The following FAR2 variants were observed in gnomAD, a reference collection of about 807,000 sequenced individuals.
FAR2 encodes epididymis secretory protein Li 81.
A neutral mutation model predicts 56.0 loss-of-function variants in FAR2; 19 were observed. That is an observed-to-expected ratio of 0.34 (90% CI 0.24 to 0.50). FAR2 has a LOEUF of 0.50. Ranked by LOEUF, FAR2 falls within the 20% of genes least tolerant of loss-of-function variation. The pLI is 0.98. For missense variants in FAR2, 508 were observed against 642.2 expected (o/e 0.79, Z 2.26); for synonymous variants, 219 against 218.8 (o/e 1.00, Z -0.01).
In FAR2 at chr12:29,268,240, C is replaced by A. The variant is rs145719189; in HGVS notation, c.-38-2172C>A. The stretch of plus-strand genomic sequence containing the variant: ...AGGGCCAGTCCCTGGAGCTGTTCTG[C>A]AGGATCCATCCAAACCCTGTCCACA... On this transcript the variant is annotated intron_variant, in intron 1 of 11. Transcript: ENST00000536681. 6.2e-4 allele frequency among the ~76,000 whole-genome samples: 94 copies of A among 152,284 alleles called. 1 individual carries two copies. In the East Asian group the frequency reaches 0.015, roughly 24 times the overall value.
chr12:29,213,280 G>T (rs866383930), intron 1 of FAR2, among the ~76,000 whole-genome samples: 18 of 152,054 alleles, frequency 1.2e-4, no homozygotes, highest in Non-Finnish European at 2.2e-4. Context: ...AAATTACTAT[G>T]GGTAAAACCT....
At position 29,256,192 on chromosome 12, in the gene FAR2, A is replaced by G. The variant is rs1388394194; in HGVS notation, c.-38-14220A>G. The stretch of plus-strand genomic sequence containing the variant: ...CGGCCTTATTATATCTAAAATTATT[A>G]TTGTTTTTTTTAAAACATGGGGTCC... On this transcript the variant is annotated intron_variant, in intron 1 of 11. Coordinates refer to ENST00000536681, the MANE Select transcript of FAR2 (RefSeq NM_001271783.2). 4.0e-5 allele frequency among the ~76,000 whole-genome samples: 6 copies of G among 150,632 alleles called. No individual in the cohort carries two copies. In the South Asian group the frequency reaches 1.3e-3, roughly 32 times the overall value.
At chr12:29,318,238 C>T (rs1444547236) in intron 9 of FAR2, among the ~76,000 whole-genome samples, 1 of 152,092 alleles carries the variant, frequency 6.6e-6, no homozygotes, top group South Asian at 2.1e-4. Flanking sequence ...TTTTTAAAGA[C>T]CTCATTTGGA....
chr12:29,274,053 C>CT (rs869147335), intron 2 of FAR2, among the ~76,000 whole-genome samples: 2 of 113,688 alleles, frequency 1.8e-5, no homozygotes, highest in Non-Finnish European at 4.1e-5. Context: ...TTTTCTTTTT[C>CT]TTTTTTTTAA....
intron 1 of FAR2, among the ~76,000 whole-genome samples, chr12:29,232,940 T>A (rs1947882565): frequency 6.6e-6 from 1 of 152,082 alleles, no homozygotes; most frequent in Non-Finnish European, 1.5e-5. Flanking sequence ...GAATCTTGAA[T>A]TTCAATATCT....
rs200274608 is a variant in FAR2 at position 29,259,252 on chromosome 12, C to T, written c.-38-11160C>T. ...GGGTCAGGTGGGTGTAGTAATTTTTCGCATCTAATGAAGGAAGGCCGGGGA... is the reference window on the plus strand; with the variant it reads ...GGGTCAGGTGGGTGTAGTAATTTTTTGCATCTAATGAAGGAAGGCCGGGGA... On this transcript the variant is annotated intron_variant, in intron 1 of 11. Coordinates refer to ENST00000536681, the MANE Select transcript of FAR2 (RefSeq NM_001271783.2). Among the ~76,000 whole-genome samples, 35 of 152,204 alleles carry T rather than the reference C, an allele frequency of 2.3e-4. No homozygotes were observed. In the East Asian group the frequency reaches 5.8e-3, roughly 25 times the overall value.
At chr12:29,288,102 G>T (rs1948905165) in intron 2 of FAR2, among the ~76,000 whole-genome samples, 1 of 152,136 alleles carries the variant, frequency 6.6e-6, no homozygotes. Flanking sequence ...AGTATCTTAT[G>T]TTTAAAAACA....
intron 1 of FAR2, among the ~76,000 whole-genome samples, chr12:29,231,724 T>C (rs1947861055): frequency 6.6e-6 from 1 of 152,334 alleles, no homozygotes; most frequent in East Asian, 1.9e-4. Flanking sequence ...CTTTTCCCTC[T>C]GTTGAAAATG....
intron 1 of FAR2, among the ~76,000 whole-genome samples, chr12:29,166,576 C>T (rs1450813749): frequency 2.6e-5 from 4 of 152,196 alleles, no homozygotes. Context: ...TATGTCCTCT[C>T]CTTTCCTACT....
intron 1 of FAR2, among the ~76,000 whole-genome samples, chr12:29,197,165 T>G (rs1950150751): frequency 1.3e-5 from 2 of 152,198 alleles, no homozygotes; most frequent in African/African-American, 4.8e-5. Context: ...TTAGCCTGTT[T>G]GGCAGGTAAA....
At chr12:29,227,851 A>G (rs1036918412) in intron 1 of FAR2, among the ~76,000 whole-genome samples, 8 of 151,188 alleles carry the variant, frequency 5.3e-5, no homozygotes, top group African/African-American at 1.9e-4. Flanking sequence ...CAAAAACTGC[A>G]CATTTCATTG....
intron 1 of FAR2, chr12:29,223,889 A>C (rs777367545): frequency 6.6e-6 from 1 of 152,244 alleles, no homozygotes; most frequent in African/African-American, 2.4e-5. Flanking sequence ...GAAACTAGAC[A>C]AAAAGGTAAG....
intron 1 of FAR2, among the ~76,000 whole-genome samples, chr12:29,257,487 G>A (rs1948342037): frequency 2.0e-5 from 3 of 152,146 alleles, no homozygotes; most frequent in African/African-American, 7.2e-5. Context: ...AACCCGCTGG[G>A]GTCCTCTTCC....
chr12:29,327,176 C>T (rs1949663079), intron 10 of FAR2, among the ~76,000 whole-genome samples: 1 of 152,058 alleles, frequency 6.6e-6, no homozygotes, highest in Non-Finnish European at 1.5e-5. Context: ...GAATAAAATA[C>T]CTAGGAATCC....
At chr12:29,291,252 G>A (rs1429839788) in intron 2 of FAR2, among the ~76,000 whole-genome samples, 2 of 152,312 alleles carry the variant, frequency 1.3e-5, no homozygotes, top group East Asian at 3.9e-4. Flanking sequence ...ATTTTTCAGA[G>A]TCAGTGTTTC....
At chr12:29,162,170 C>G (rs113875366) in intron 1 of FAR2, among the ~76,000 whole-genome samples, 118 of 152,242 alleles carry the variant, frequency 7.8e-4, no homozygotes, top group African/African-American at 2.7e-3. Context: ...TTTTTGCCTA[C>G]TCATGAAGCA....
At chr12:29,229,607 T>C (rs1400141931) in intron 1 of FAR2, among the ~76,000 whole-genome samples, 1 of 152,188 alleles carries the variant, frequency 6.6e-6, no homozygotes, top group African/African-American at 2.4e-5. Flanking sequence ...ATCTTTATTG[T>C]CTACCAAATG....
intron 8 of FAR2, among the ~76,000 whole-genome samples, chr12:29,315,432 T>C (rs1461007421): frequency 1.3e-5 from 2 of 151,556 alleles, no homozygotes; most frequent in African/African-American, 4.8e-5. Context: ...TGAGATGAGA[T>C]TCCACTGAAG....
intron 2 of FAR2, among the ~76,000 whole-genome samples, chr12:29,280,116 G>C (rs759735070): frequency 1.3e-5 from 2 of 152,130 alleles, no homozygotes; most frequent in Middle Eastern, 6.8e-3. Flanking sequence ...ATAGAGATGG[G>C]GTTTCACCAT....
Sources: gnomAD v4.1 joint callset for allele counts (sites outside exome capture counted in the v4.1 genomes callset) on GRCh38, gnomAD v4.1.1 for gene constraint, MANE v1.5 for transcripts, NCBI Gene and HGNC (gene_info 2026-07-23, HGNC 2026-07-21) for gene names.